Variants in OR9Q1 observed in about 807,000 individuals in gnomAD.
OR9Q1 encodes the protein olfactory receptor 9Q1.
For synonymous variants in OR9Q1, 153 were observed against 148.6 expected, an observed-to-expected ratio of 1.03 and a Z score of -0.22; for missense variants, 374 against 378.8, an observed-to-expected ratio of 0.99 and a Z score of 0.11.
At chr11:58,034,735 T>TTTCCGTCCTTCCTTCCTTCCTTCC (rs1853079451) in intron 1 of OR9Q1, among the ~76,000 whole-genome samples, 2 of 111,404 alleles carry the variant, frequency 1.8e-5, no homozygotes, top group Admixed American at 2.0e-4. Context: ...GGTTTCTTTC[T>TTTCCGTCCTTCCTTCCTTCCTTCC]TTCCTTCCTT....
At chr11:58,076,967 T>C (rs1028175522) in intron 2 of OR9Q1, among the ~76,000 whole-genome samples, 2 of 152,190 alleles carry the variant, frequency 1.3e-5, no homozygotes, top group South Asian at 2.1e-4. Context: ...GTGAAAATTT[T>C]CAGGATAAAG....
intron 1 of OR9Q1, among the ~76,000 whole-genome samples, chr11:58,045,647 C>A (rs1853209275): frequency 6.6e-6 from 1 of 152,186 alleles, no homozygotes; most frequent in South Asian, 2.1e-4. Flanking sequence ...GAGCTGGGAT[C>A]ATATTCCGAA....
chr11:58,162,163 TA>T (rs5792091), intron 2 of OR9Q1, among the ~76,000 whole-genome samples: 24,988 of 152,196 alleles, frequency 0.16, 2,196 homozygotes, highest in Admixed American at 0.2. Context: ...ACCTTCTTTG[TA>T]ACTGTGTAAC....
At chr11:58,155,919 CT>C (rs11433125) in intron 2 of OR9Q1, among the ~76,000 whole-genome samples, 1 of 147,106 alleles carries the variant, frequency 6.8e-6, no homozygotes, top group African/African-American at 2.5e-5. Flanking sequence ...CTTTTCCTTC[CT>C]TTTTTTTTTT....
At chr11:58,067,287 C>T (rs1590568778) in intron 2 of OR9Q1, among the ~76,000 whole-genome samples, 1 of 152,076 alleles carries the variant, frequency 6.6e-6, no homozygotes, top group African/African-American at 2.4e-5. Context: ...CCGCCCACCT[C>T]GGCCTCCCAA....
intron 1 of OR9Q1, among the ~76,000 whole-genome samples, chr11:58,032,603 T>A (rs1449795373): frequency 6.6e-6 from 1 of 152,128 alleles, no homozygotes; most frequent in Non-Finnish European, 1.5e-5. Context: ...TATCACCATA[T>A]TCAAAAATTA....
intron 2 of OR9Q1, among the ~76,000 whole-genome samples, chr11:58,127,094 C>T (rs998194279): frequency 1.3e-5 from 2 of 152,178 alleles, no homozygotes; most frequent in Non-Finnish European, 2.9e-5. Context: ...GGACTACAGG[C>T]ATGTGCCACC....
At chr11:58,032,088 C>T (rs1049895002) in intron 1 of OR9Q1, among the ~76,000 whole-genome samples, 1 of 152,172 alleles carries the variant, frequency 6.6e-6, no homozygotes, top group Non-Finnish European at 1.5e-5. Flanking sequence ...CCACAAAACA[C>T]TGCTAAAAGA....
intron 2 of OR9Q1, chr11:58,075,523 T>G (rs1853531403): frequency 6.6e-6 from 1 of 152,238 alleles, no homozygotes; most frequent in Non-Finnish European, 1.5e-5. Flanking sequence ...GCTTAGGTCA[T>G]GATAGCAGAA....
intron 2 of OR9Q1, among the ~76,000 whole-genome samples, chr11:58,071,729 C>A (rs1200081675): frequency 6.6e-6 from 1 of 152,090 alleles, no homozygotes; most frequent in Non-Finnish European, 1.5e-5. Flanking sequence ...GCATGCCACC[C>A]AAATTTATTT....
chr11:58,086,608 G>A (rs760887589), intron 2 of OR9Q1, among the ~76,000 whole-genome samples: 1 of 151,718 alleles, frequency 6.6e-6, no homozygotes, highest in African/African-American at 2.4e-5. Flanking sequence ...AACAACCTAA[G>A]TGTCCATCAT....
chr11:58,169,126 C>G (rs1041274021), intron 2 of OR9Q1, among the ~76,000 whole-genome samples: 1 of 152,100 alleles, frequency 6.6e-6, no homozygotes, highest in African/African-American at 2.4e-5. Flanking sequence ...AGACATTTTT[C>G]TTTCCTCTGG....
chr11:58,167,818 G>T (rs944628908), intron 2 of OR9Q1, among the ~76,000 whole-genome samples: 2 of 152,164 alleles, frequency 1.3e-5, no homozygotes, highest in African/African-American at 4.8e-5. Context: ...AGTCAAAATA[G>T]AAGTAGAAGT....
chr11:58,172,102 A>C (rs138089714), intron 2 of OR9Q1, among the ~76,000 whole-genome samples: 2 of 152,314 alleles, frequency 1.3e-5, no homozygotes, highest in South Asian at 2.1e-4. Flanking sequence ...CAGACAAAGA[A>C]TGCTTTGTTG....
At chr11:58,048,794 G>A (rs7112430) in intron 1 of OR9Q1, among the ~76,000 whole-genome samples, 120,571 of 124,852 alleles carry the variant, frequency 0.97, 58,370 homozygotes, top group Non-Finnish European at 1. Flanking sequence ...AATACAAACT[G>A]CCATCAGAGA....
chr11:58,141,781 T>G (rs1854252300), intron 2 of OR9Q1, among the ~76,000 whole-genome samples: 3 of 152,210 alleles, frequency 2.0e-5, no homozygotes, highest in Non-Finnish European at 4.4e-5. Flanking sequence ...CTCTGTCTTC[T>G]GTGCCCATTT....
At chr11:58,082,252 C>T (rs1853594302) in intron 2 of OR9Q1, among the ~76,000 whole-genome samples, 2 of 152,052 alleles carry the variant, frequency 1.3e-5, no homozygotes, top group African/African-American at 4.8e-5. Context: ...CCCAGCCATC[C>T]CATTACTGGG....
chr11:58,170,617 G>A (rs574031919), intron 2 of OR9Q1, among the ~76,000 whole-genome samples: 1 of 152,252 alleles, frequency 6.6e-6, no homozygotes, highest in East Asian at 1.9e-4. Flanking sequence ...GAGGGACCCA[G>A]TGGAGATAAT....
chr11:58,026,966 GTC>G (rs1852982054), intron 1 of OR9Q1, among the ~76,000 whole-genome samples: 1 of 152,128 alleles, frequency 6.6e-6, no homozygotes, highest in Non-Finnish European at 1.5e-5. Flanking sequence ...CATTTCTTGA[GTC>G]TCTCAAAGAA....
Sources: allele counts gnomAD v4.1 joint callset (sites outside exome capture counted in the v4.1 genomes callset), GRCh38; gene constraint gnomAD v4.1.1; transcripts MANE v1.5; gene names NCBI Gene and HGNC (gene_info 2026-07-23, HGNC 2026-07-21).